Variants in NECAP1 observed in about 807,000 individuals in gnomAD.
The protein encoded by NECAP1 is NECAP endocytosis associated 1.
In NECAP1, 13 loss-of-function variants were observed where a neutral mutation model predicts 33.4. The observed-to-expected ratio is 0.39, with a 90% CI of 0.25 to 0.62. The LOEUF is 0.62. NECAP1 is among the 20% of genes least tolerant of loss of function. The probability of loss-of-function intolerance (pLI) is 0.52; values close to 1 mark genes in which losing one functional copy is unlikely to be tolerated. For synonymous variants in NECAP1, 109 were observed against 125.2 expected (o/e 0.87, Z 0.86); for missense variants, 272 against 347.4 (o/e 0.78, Z 1.73).
At chr12:8,092,525 T>C (rs925695631) in intron 4 of NECAP1, 151 bp from the exon 5 acceptor site, 1 of 599,146 alleles carries the variant, frequency 1.7e-6, no homozygotes, top group Non-Finnish European at 2.9e-6. Context: ...GTTTTCTTTC[T>C]TGGCTTTTTT....
At position 8,082,277 on chromosome 12, in the gene NECAP1, A is replaced by G; in HGVS notation, c.-12A>G. On this transcript the variant is annotated 5_prime_UTR_variant, in exon 1 of 8. Transcript: ENST00000339754. ...ACGTTTCGCCCCCGGCAGCGCCGAC[A>G]GCGGACCCAAGATGGCGACCGAGTT... The G allele has an allele frequency of 6.3e-7, 1 of 1,585,694 alleles. No individual in the cohort carries two copies. The highest frequency in any genetic ancestry group is 8.6e-7 in the Non-Finnish European group (1 of 1,156,422).
chr12:8,092,014 G>A (rs1947550293), intron 4 of NECAP1, 164 bp downstream of exon 4: 1 of 632,814 alleles, frequency 1.6e-6, no homozygotes, highest in Non-Finnish European at 2.8e-6. Flanking sequence ...GGTCATCTTT[G>A]TATCTATTCT....
At position 8,096,056 on chromosome 12, in the gene NECAP1, A is replaced by T. The variant is rs1427000545; in HGVS notation, c.794A>T (p.Gln265Leu). The change falls in exon 8 of 8, where the codon CAG becomes CTG. Residue 265 changes from glutamine (Q) to leucine (L), a missense_variant. Coordinates refer to ENST00000339754, the MANE Select transcript of NECAP1 (RefSeq NM_015509.4). ...CTGTCTTGCAGCTCTGTTCCAAACC[A>T]GGCACCACAGCCATCCAACTGGGTC... is the stretch of plus-strand genomic sequence containing the variant. ...FSTASSSVPN[Q>L]APQPSNWVQF 1 of 1,614,180 alleles carries T rather than the reference A, an allele frequency of 6.2e-7. No homozygotes were observed. The highest frequency in any genetic ancestry group is 8.5e-7 in the Non-Finnish European group (1 of 1,180,016).
intron 1 of NECAP1, among the ~76,000 whole-genome samples, chr12:8,084,145 T>G (rs1408934551): frequency 1.3e-5 from 2 of 152,188 alleles, no homozygotes; most frequent in Non-Finnish European, 2.9e-5. Context: ...TCCTTATGTC[T>G]GTTATTTTGC....
In NECAP1 at chr12:8,092,710, T is replaced by A; in HGVS notation, c.418T>A (p.Ser140Thr). ...GCAGGAATCTGAGATTTCCAAGGAATCTCAAGAAATGGATGCTCGTCCTAA... is the reference window on the plus strand; with the variant it reads ...GCAGGAATCTGAGATTTCCAAGGAAACTCAAGAAATGGATGCTCGTCCTAA... ...VKQESEISKE[S>T]QEMDARPKLD... The change falls in exon 5 of 8, where the codon TCT (serine) becomes ACT (threonine). Residue 140 changes from serine to threonine, a missense_variant. Physicochemically the swap from Ser to Thr is moderately conservative, Grantham distance 58 (BLOSUM62 1). Coordinates refer to ENST00000339754, the MANE Select transcript of NECAP1 (RefSeq NM_015509.4). The A allele has an allele frequency of 6.2e-7, 1 of 1,613,768 alleles. No individual in the cohort carries two copies. The highest frequency in any genetic ancestry group is 8.5e-7 in the Non-Finnish European group (1 of 1,179,728).
At chr12:8,087,567 A>C (rs1178526227) in intron 1 of NECAP1, among the ~76,000 whole-genome samples, 1 of 148,010 alleles carries the variant, frequency 6.8e-6, no homozygotes, top group Non-Finnish European at 1.5e-5. Flanking sequence ...CCTGTTGCTC[A>C]GGCTGGAGTG....
chr12:8,082,351 G>A lies in NECAP1; in HGVS notation c.63G>A (p.Arg21=), dbSNP rs1359621739. 1 of 1,613,768 alleles carries A rather than the reference G, an allele frequency of 6.2e-7. No individual in the cohort carries two copies. Among genetic ancestry groups the A allele is most frequent in the Admixed American group, 1.7e-5 (1 of 60,014 alleles). The change falls in exon 1 of 8, where the codon CGG becomes CGA. Residue 21 remains arginine, a synonymous_variant. Coordinates refer to ENST00000339754, the MANE Select transcript of NECAP1 (RefSeq NM_015509.4). ...LCVKPDVSVY[R]IPPRASNRGY... ...TGAAGCCAGACGTCAGCGTCTACCG[G>A]ATTCCGCCCCGGGCCTCCAACCGCG...
chr12:8,092,067 T>G, intron 4 of NECAP1: 1 of 536,022 alleles, frequency 1.9e-6, no homozygotes, highest in Non-Finnish European at 3.3e-6. Flanking sequence ...AGATCCCTTG[T>G]GCAGTAGTTT....
chr12:8,085,659 C>A (rs985897005), intron 1 of NECAP1, among the ~76,000 whole-genome samples: 2 of 146,094 alleles, frequency 1.4e-5, no homozygotes, highest in Non-Finnish European at 3.0e-5. Context: ...ACAATACTTA[C>A]CTTGTAGGAT....
chr12:8,085,686 CTTTTTTTTTTTTTTT>C lies in NECAP1; in HGVS notation c.95+3318_95+3332del, dbSNP rs554942626. On this transcript the variant is annotated intron_variant, in intron 1 of 7. Coordinates refer to ENST00000339754, the MANE Select transcript of NECAP1 (RefSeq NM_015509.4). ...TTGTAGGATCCTCTCACTTAATCTTCTTTTTTTTTTTTTTTTTTTTTTTTTTTTTGTTGTTGAGAC... is the reference window on the plus strand; with the variant it reads ...TTGTAGGATCCTCTCACTTAATCTTCTTTTTTTTTTTTTTGTTGTTGAGAC... Among the ~76,000 whole-genome samples, 39 of 104,810 alleles carry C rather than the reference CTTTTTTTTTTTTTTT, an allele frequency of 3.7e-4. 1 individual carries two copies. The highest frequency in any genetic ancestry group is 6.5e-4 in the Admixed American group (6 of 9,270). The allele number at this position is 104,810 out of a possible 152,430, so 68.8% of individuals were successfully genotyped here.
intron 1 of NECAP1, chr12:8,089,284 G>A (rs1947519507): frequency 1.3e-5 from 2 of 151,962 alleles, no homozygotes; most frequent in Admixed American, 1.3e-4. Context: ...GATATTTAAT[G>A]TAGTAGACTT....
At chr12:8,095,859 G>A (rs1457743479) in intron 7 of NECAP1, 156 bp downstream of exon 7, 3 of 1,069,638 alleles carry the variant, frequency 2.8e-6, no homozygotes, top group South Asian at 1.5e-5. Context: ...TGCTGGGAAT[G>A]GGGGGACAAA....
chr12:8,087,332 G>C (rs1017966167), intron 1 of NECAP1, among the ~76,000 whole-genome samples: 2 of 151,692 alleles, frequency 1.3e-5, no homozygotes, highest in Admixed American at 6.6e-5. Flanking sequence ...AGTATTGTCA[G>C]AGGACAAGCA....
chr12:8,083,486 A>T (rs1947461753), intron 1 of NECAP1, among the ~76,000 whole-genome samples: 1 of 124,176 alleles, frequency 8.1e-6, no homozygotes, highest in Admixed American at 1.1e-4. Flanking sequence ...CCGGAGCGCA[A>T]TGGCTCAATC....
chr12:8,092,878 A>G lies in NECAP1; in HGVS notation c.499A>G (p.Thr167Ala). The G allele has an allele frequency of 1.3e-6, 2 of 1,574,010 alleles. No homozygotes were observed. Among genetic ancestry groups the G allele is most frequent in the Non-Finnish European group, 8.6e-7 (1 of 1,160,394 alleles). The change falls in exon 6 of 8, where the codon ACA (threonine) becomes GCA (alanine). Residue 167 changes from threonine (T) to alanine (A), a missense_variant. By Grantham distance (58) the Thr-to-Ala change is moderately conservative (BLOSUM62 0). Coordinates refer to ENST00000339754, the MANE Select transcript of NECAP1 (RefSeq NM_015509.4). ...QTIKLCIGNI[T>A]NKKGGASKPR... ...TTCTTTTTTTCTTTTGTAGAACATTACAAACAAGAAAGGAGGTGCTTCTAA... is the reference window on the plus strand; with the variant it reads ...TTCTTTTTTTCTTTTGTAGAACATTGCAAACAAGAAAGGAGGTGCTTCTAA...
rs1352326370 is a variant in NECAP1, at chr12:8,097,541, A to G, written c.*1451A>G. ...TATTCTTGCAGAGCCATAGCAGGAC[A>G]TGTTAAAATTCCAATAGAAAACACT... On this transcript the variant is annotated 3_prime_UTR_variant, in exon 8 of 8. Coordinates refer to ENST00000339754, the MANE Select transcript of NECAP1 (RefSeq NM_015509.4). 2.0e-5 allele frequency: 3 copies of G among 152,616 alleles called. No homozygotes were observed. Among genetic ancestry groups the G allele is most frequent in the Admixed American group, 6.6e-5 (1 of 15,264 alleles). The allele number at this position is 152,616 out of a possible 1,614,324, so 9.5% of individuals were successfully genotyped here.
intron 1 of NECAP1, among the ~76,000 whole-genome samples, chr12:8,083,635 G>A (rs982708503): frequency 6.6e-6 from 1 of 151,302 alleles, no homozygotes; most frequent in Middle Eastern, 3.4e-3. Context: ...TCACCAAGTT[G>A]GCCAGGCTGG....
intron 6 of NECAP1, chr12:8,094,831 T>C (rs879750676): frequency 2.0e-5 from 3 of 152,214 alleles, no homozygotes; most frequent in Non-Finnish European, 4.4e-5. Flanking sequence ...ATAGAACAGT[T>C]TAATCACTAC....
At chr12:8,091,668 T>C in intron 3 of NECAP1, 101 bp from the exon 4 acceptor site, 1 of 970,484 alleles carries the variant, frequency 1.0e-6, no homozygotes, top group East Asian at 2.5e-5. Flanking sequence ...CACCTCCTGC[T>C]GCATGGCCTG....
Sources: gnomAD v4.1 joint callset for allele counts (sites outside exome capture counted in the v4.1 genomes callset) on GRCh38, gnomAD v4.1.1 for gene constraint, MANE v1.5 for transcripts, NCBI Gene and HGNC (gene_info 2026-07-23, HGNC 2026-07-21) for gene names.